Variants in MYO1D observed in about 807,000 individuals in gnomAD.
MYO1D encodes the protein myosin ID.
MYO1D carries 83 observed loss-of-function variants against 122.0 expected under a neutral mutation model. The observed-to-expected ratio is 0.68, with a 90% CI of 0.57 to 0.82. The LOEUF (loss-of-function observed/expected upper bound fraction) is 0.82, where lower values mean the gene tolerates loss of function less well. Among genes scored for constraint, MYO1D ranks in the 40% least tolerant of loss-of-function variants. MYO1D has a pLI of 0.00. For synonymous variants in MYO1D, 464 were observed against 446.9 expected (o/e 1.04, Z -0.48); for missense variants, 1,157 against 1,269.5 (o/e 0.91, Z 1.35).
chr17:32,596,522 C>T (rs1397782504), intron 21 of MYO1D, among the ~76,000 whole-genome samples: 1 of 152,182 alleles, frequency 6.6e-6, no homozygotes, highest in African/African-American at 2.4e-5. Flanking sequence ...GCCTGCTTAT[C>T]GGTATGGGTC....
chr17:32,776,027 A>T lies in MYO1D; in HGVS notation c.401T>A (p.Val134Glu). 6.2e-7 allele frequency: 1 copy of T among 1,608,416 alleles called. No individual in the cohort carries two copies. Among genetic ancestry groups the T allele is most frequent in the Non-Finnish European group, 8.5e-7 (1 of 1,178,632 alleles). The change falls in exon 4 of 22, where the codon GTG becomes GAG. Residue 134 changes from valine (V) to glutamate (E), a missense_variant and splice_region_variant. By Grantham distance (121) the Val-to-Glu change is moderately radical. Coordinates refer to ENST00000318217, the MANE Select transcript of MYO1D (RefSeq NM_015194.3). ...GTTGGACTTAAGCAACATATTCTTCACTCTTTAACACAGATAAATGAAAGT... is the reference window on the plus strand; with the variant it reads ...GTTGGACTTAAGCAACATATTCTTCTCTCTTTAACACAGATAAATGAAAGT... Reference protein sequence around the residue: ...NPSQRAEVERVKNMLLKSNCV... With the variant: ...NPSQRAEVEREKNMLLKSNCV...
intron 21 of MYO1D, chr17:32,509,929 TTAGA>T (rs1909631130): frequency 6.6e-6 from 1 of 152,224 alleles, no homozygotes; most frequent in African/African-American, 2.4e-5. Flanking sequence ...TAAAGGGGTC[TTAGA>T]TTGGGAGGAG....
chr17:32,575,623 T>C (rs768115335), intron 21 of MYO1D, among the ~76,000 whole-genome samples: 3 of 152,214 alleles, frequency 2.0e-5, no homozygotes, highest in Non-Finnish European at 2.9e-5. Context: ...GCGAATCCCA[T>C]GGACTTCACC....
At chr17:32,719,808 A>T (rs2089489439) in intron 15 of MYO1D, among the ~76,000 whole-genome samples, 2 of 152,220 alleles carry the variant, frequency 1.3e-5, no homozygotes, top group Admixed American at 6.5e-5. Flanking sequence ...CTGATTACAA[A>T]GTTTGACATG....
intron 21 of MYO1D, among the ~76,000 whole-genome samples, chr17:32,569,297 T>C (rs1450304476): frequency 6.6e-6 from 1 of 152,228 alleles, no homozygotes; most frequent in Non-Finnish European, 1.5e-5. Flanking sequence ...GGGGATAGTA[T>C]TGCTCTAGGC....
intron 1 of MYO1D, among the ~76,000 whole-genome samples, chr17:32,843,153 G>A (rs1049966240): frequency 3.9e-5 from 6 of 152,144 alleles, no homozygotes; most frequent in Non-Finnish European, 7.4e-5. Flanking sequence ...GCCTCCCAAA[G>A]TGCTGGGATT....
chr17:32,783,754 T>C (rs951651451), intron 1 of MYO1D, among the ~76,000 whole-genome samples: 1 of 152,140 alleles, frequency 6.6e-6, no homozygotes, highest in Admixed American at 6.6e-5. Context: ...TCAGTTTGCA[T>C]TGGAAAGCCA....
chr17:32,697,953 G>A (rs906000948), intron 16 of MYO1D, among the ~76,000 whole-genome samples: 2 of 152,206 alleles, frequency 1.3e-5, no homozygotes, highest in African/African-American at 4.8e-5. Flanking sequence ...CTTGAATGAT[G>A]CCACTATGGT....
At chr17:32,611,397 A>G (rs1249919658) in intron 20 of MYO1D, among the ~76,000 whole-genome samples, 1 of 152,256 alleles carries the variant, frequency 6.6e-6, no homozygotes, top group Non-Finnish European at 1.5e-5. Context: ...AATCACAGGT[A>G]CCAGCCAAAC....
chr17:32,778,292 A>G (rs1227126590), intron 3 of MYO1D, among the ~76,000 whole-genome samples, 188 bp downstream of exon 3: 3 of 152,236 alleles, frequency 2.0e-5, no homozygotes, highest in South Asian at 4.1e-4. Flanking sequence ...AGAAATGGAT[A>G]CAGTGAAATA....
chr17:32,765,016 G>A lies in MYO1D; in HGVS notation c.897C>T (p.Ile299=). ...TCTTAGTAGAGAGCAATTCTGCTAT[G>A]ATAGATACTACTTTGCCATTCTCAA... is the stretch of plus-strand genomic sequence containing the variant. ...PLIENGKVVS[I]IAELLSTKTD... The change falls in exon 8 of 22, where the codon ATC becomes ATT. Residue 299 remains isoleucine, a synonymous_variant. Coordinates refer to ENST00000318217, the MANE Select transcript of MYO1D (RefSeq NM_015194.3). 2.5e-6 allele frequency: 4 copies of A among 1,614,094 alleles called. No individual in the cohort carries two copies. The highest frequency in any genetic ancestry group is 3.4e-6 in the Non-Finnish European group (4 of 1,180,010).
Position 32,659,152 on chromosome 17 carries a change from G to A in MYO1D, c.2308C>T (p.Arg770Cys), listed in dbSNP as rs1262462614. ...VKWPSPPKVL[R>C]RFEEALQTIF... ...GTCTGCAGGGCCTCCTCAAAACGGC[G>A]AAGAACTTTAGGAGGGCTTGGCCAC... Residue 770 changes from arginine (R) to cysteine (C), a missense_variant, in exon 17 of 22, where the codon CGC becomes TGC. Transcript: ENST00000318217. The A allele has an allele frequency of 2.5e-6, 4 of 1,614,156 alleles. No homozygotes were observed. Among genetic ancestry groups the A allele is most frequent in the South Asian group, 1.1e-5 (1 of 91,088 alleles).
chr17:32,556,131 G>A (rs2087066636), intron 21 of MYO1D, among the ~76,000 whole-genome samples: 1 of 152,234 alleles, frequency 6.6e-6, no homozygotes, highest in African/African-American at 2.4e-5. Flanking sequence ...CATGGCAGGT[G>A]CACGTAGTTA....
At chr17:32,517,240 G>A (rs1193014455) in intron 21 of MYO1D, among the ~76,000 whole-genome samples, 2 of 152,234 alleles carry the variant, frequency 1.3e-5, no homozygotes, top group Admixed American at 6.5e-5. Flanking sequence ...GCCCTGATTA[G>A]GCAGTTACAC....
At chr17:32,559,939 T>C (rs2087102296) in intron 21 of MYO1D, among the ~76,000 whole-genome samples, 1 of 152,240 alleles carries the variant, frequency 6.6e-6, no homozygotes, top group African/African-American at 2.4e-5. Flanking sequence ...ACAGTAGTTA[T>C]CCTATAGAAA....
intron 14 of MYO1D, among the ~76,000 whole-genome samples, chr17:32,735,958 G>A (rs1336834287): frequency 6.6e-6 from 1 of 151,654 alleles, no homozygotes; most frequent in East Asian, 1.9e-4. Flanking sequence ...GGAGCATATA[G>A]CTGGATTTTC....
At chr17:32,703,912 G>A (rs1057152094) in intron 16 of MYO1D, among the ~76,000 whole-genome samples, 1 of 152,106 alleles carries the variant, frequency 6.6e-6, no homozygotes, top group Non-Finnish European at 1.5e-5. Context: ...CATAGAAGAT[G>A]AATGATAAAT....
At chr17:32,795,666 G>T (rs1388956486) in intron 1 of MYO1D, among the ~76,000 whole-genome samples, 1 of 152,170 alleles carries the variant, frequency 6.6e-6, no homozygotes. Context: ...TTAAGGAGAT[G>T]AATAACTCCT....
At chr17:32,528,724 G>C (rs1910422295) in intron 21 of MYO1D, among the ~76,000 whole-genome samples, 1 of 152,192 alleles carries the variant, frequency 6.6e-6, no homozygotes, top group South Asian at 2.1e-4. Context: ...ACAGGAGGAG[G>C]AGGAGGAGGC....
Sources: gnomAD v4.1 joint callset for allele counts (sites outside exome capture counted in the v4.1 genomes callset) on GRCh38, gnomAD v4.1.1 for gene constraint, MANE v1.5 for transcripts, NCBI Gene and HGNC (gene_info 2026-07-23, HGNC 2026-07-21) for gene names.